The following FBXO10 variants were observed in gnomAD, a reference collection of about 807,000 sequenced individuals.
The protein encoded by FBXO10 is F-box protein 10.
A neutral mutation model predicts 80.7 loss-of-function variants in FBXO10; 39 were observed. The ratio of observed to expected loss-of-function variants is 0.48; its 90% CI spans 0.37 to 0.63. The LOEUF is 0.63. Ranked by LOEUF, FBXO10 falls within the 30% of genes least tolerant of loss-of-function variation. The pLI is 0.00. For synonymous variants in FBXO10, 449 were observed against 489.6 expected (o/e 0.92, Z 1.09); for missense variants, 1,025 against 1,269.0 (o/e 0.81, Z 2.92).
intron 1 of FBXO10, among the ~76,000 whole-genome samples, chr9:37,558,196 G>C (rs941572319): frequency 6.6e-6 from 1 of 152,188 alleles, no homozygotes; most frequent in Non-Finnish European, 1.5e-5. Context: ...GAGTGAATCA[G>C]CTAACACTAA....
At chr9:37,553,752 A>G (rs1328810194) in intron 1 of FBXO10, among the ~76,000 whole-genome samples, 3 of 30,372 alleles carry the variant, frequency 9.9e-5, no homozygotes, top group Non-Finnish European at 1.8e-4. Flanking sequence ...CTAAAAATAC[A>G]AAAAAAAAAA....
At chr9:37,515,594 G>C in intron 10 of FBXO10, 1 of 239,250 alleles carries the variant, frequency 4.2e-6, no homozygotes, top group Non-Finnish European at 8.0e-6. Context: ...CAGATAGTGT[G>C]ATCTTATTAA....
chr9:37,526,465 C>T (rs1048134525), intron 5 of FBXO10, among the ~76,000 whole-genome samples: 13 of 152,188 alleles, frequency 8.5e-5, no homozygotes, highest in African/African-American at 2.9e-4. Flanking sequence ...TGATATTCCT[C>T]ACCCAAAACT....
chr9:37,573,764 CAT>C (rs1208443491), intron 1 of FBXO10, among the ~76,000 whole-genome samples: 8 of 152,206 alleles, frequency 5.3e-5, no homozygotes, highest in African/African-American at 1.2e-4. Context: ...ATGAGACACA[CAT>C]GTTAAACATC....
intron 10 of FBXO10, among the ~76,000 whole-genome samples, chr9:37,514,058 T>G (rs1821125182): frequency 1.3e-5 from 2 of 152,202 alleles, no homozygotes; most frequent in African/African-American, 4.8e-5. Context: ...AGGAACCAAC[T>G]TTACACACTA....
intron 8 of FBXO10, 39 bp from the exon 9 acceptor site, chr9:37,518,477 G>T: frequency 6.6e-7 from 1 of 1,521,696 alleles, no homozygotes; most frequent in South Asian, 1.3e-5. Flanking sequence ...GGGGTCCCAG[G>T]GTCAGCCCTG....
At chr9:37,531,243 A>G (rs567215047) in intron 4 of FBXO10, among the ~76,000 whole-genome samples, 1 of 152,316 alleles carries the variant, frequency 6.6e-6, no homozygotes, top group Non-Finnish European at 1.5e-5. Context: ...AGTCTGTTAT[A>G]TTTCCCAACT....
chr9:37,556,736 G>A (rs1297996850), intron 1 of FBXO10, among the ~76,000 whole-genome samples: 1 of 151,834 alleles, frequency 6.6e-6, no homozygotes, highest in Non-Finnish European at 1.5e-5. Flanking sequence ...TAGATATGGG[G>A]GTTTCACCAT....
Position 37,551,197 on chromosome 9 carries a change from T to C in FBXO10, c.-6-9423A>G, listed in dbSNP as rs570268727. On this transcript the variant is annotated intron_variant, in intron 1 of 10. Transcript: ENST00000432825. ...TTCTTCGACTCCATGTCCAACTTTC[T>C]GGACACAACGTGTTGGGGGCTGGGT... 2.0e-5 allele frequency among the ~76,000 whole-genome samples: 3 copies of C among 152,360 alleles called. No individual in the cohort carries two copies. The South Asian group carries it at 6.2e-4, about 32-fold the overall frequency.
intron 9 of FBXO10, among the ~76,000 whole-genome samples, chr9:37,517,206 CAG>C (rs999638519): frequency 1.6e-4 from 24 of 152,134 alleles, no homozygotes; most frequent in Middle Eastern, 3.4e-3. Context: ...TTTGGTGACT[CAG>C]GGGGAAGGGT....
At chr9:37,535,137 G>C (rs569387032) in intron 3 of FBXO10, among the ~76,000 whole-genome samples, 211 of 152,280 alleles carry the variant, frequency 1.4e-3, no homozygotes, top group Non-Finnish European at 2.4e-3. Flanking sequence ...AAGCCTACGG[G>C]ACGCTGAGGA....
rs35979885 is a variant in FBXO10 at position 37,521,780 on chromosome 9, G to A, written c.1989C>T (p.Asn663=). 182,379 of 1,609,684 alleles carry A rather than the reference G, an allele frequency of 0.11. 11,405 individuals are homozygous for A. The highest frequency in any genetic ancestry group is 0.18 in the Middle Eastern group (1,101 of 6,048). Residue 663 remains asparagine, a synonymous_variant, in exon 8 of 11, where the codon AAC becomes AAT. Coordinates refer to ENST00000432825, the MANE Select transcript of FBXO10 (RefSeq NM_012166.3). ...CATACAGGCCATTGTAGCTGACGTG[G>A]TTGCTGGTGACATGGGGGAGGCTGG... ...MSSSLPHVTS[N]HVSYNGLYGV... is the part of the protein sequence containing the mutation.
At chr9:37,542,880 A>T (rs545958799) in intron 1 of FBXO10, among the ~76,000 whole-genome samples, 7 of 152,220 alleles carry the variant, frequency 4.6e-5, no homozygotes, top group Non-Finnish European at 1.0e-4. Context: ...ACTTGCAACT[A>T]GAAGAGTCTG....
chr9:37,566,715 C>T (rs1306601694), intron 1 of FBXO10, among the ~76,000 whole-genome samples: 2 of 152,046 alleles, frequency 1.3e-5, no homozygotes, highest in African/African-American at 4.8e-5. Context: ...ATATTATAAC[C>T]CCAAAGAGCC....
chr9:37,552,097 T>C (rs1000827482), intron 1 of FBXO10, among the ~76,000 whole-genome samples: 1 of 152,222 alleles, frequency 6.6e-6, no homozygotes, highest in African/African-American at 2.4e-5. Context: ...CAGACTAGCC[T>C]TCACTGTTGC....
intron 1 of FBXO10, among the ~76,000 whole-genome samples, chr9:37,566,117 C>G (rs1450711568): frequency 6.6e-6 from 1 of 152,150 alleles, no homozygotes. Flanking sequence ...TGAAATGACT[C>G]TGACAAAAGG....
chr9:37,559,786 G>A (rs374986090), intron 1 of FBXO10, among the ~76,000 whole-genome samples: 2 of 152,164 alleles, frequency 1.3e-5, no homozygotes, highest in Non-Finnish European at 2.9e-5. Flanking sequence ...TTGAGATGAC[G>A]GTTACTCTAG....
rs1360822584 is a variant in FBXO10, at chr9:37,531,977, C to T, written c.1501G>A (p.Gly501Ser). Reference sequence around the variant, plus strand: ...TCTGCATTGTGGTAAATGTTGTTGCCGGCAATCAAGCCACCGCCCTCCAAG... The same window carrying T: ...TCTGCATTGTGGTAAATGTTGTTGCTGGCAATCAAGCCACCGCCCTCCAAG... ...LRLEGGGLIAGNNIYHNAEAG... is the reference protein window; with the variant it reads ...LRLEGGGLIASNNIYHNAEAG... Residue 501 changes from glycine (G) to serine (S), a missense_variant, in exon 4 of 11, where the codon GGC (glycine) becomes AGC (serine). Coordinates refer to ENST00000432825, the MANE Select transcript of FBXO10 (RefSeq NM_012166.3). The T allele has an allele frequency of 2.5e-6, 4 of 1,613,826 alleles. No individual in the cohort carries two copies. The highest frequency in any genetic ancestry group is 2.2e-5 in the South Asian group (2 of 91,076).
At chr9:37,526,937 G>A (rs1374302595) in intron 5 of FBXO10, among the ~76,000 whole-genome samples, 2 of 151,544 alleles carry the variant, frequency 1.3e-5, no homozygotes, top group African/African-American at 2.4e-5. Context: ...TGCAACCTTC[G>A]CCTCCCGGGT....
Sources: allele counts gnomAD v4.1 joint callset (sites outside exome capture counted in the v4.1 genomes callset), GRCh38; gene constraint gnomAD v4.1.1; transcripts MANE v1.5; gene names NCBI Gene and HGNC (gene_info 2026-07-23, HGNC 2026-07-21).